The following ENTREP2 variants were observed in gnomAD, a reference collection of about 807,000 sequenced individuals.
ENTREP2 encodes the protein protein ENTREP2.
chr15:29,444,168 G>GAGAA, the ENTREP2 span, among the ~76,000 whole-genome samples: 1 of 62,470 alleles, frequency 1.6e-5, no homozygotes, highest in East Asian at 4.2e-4. Flanking sequence ...AAGAAAGACA[G>GAGAA]ACAAAGAAAG....
At chr15:29,405,877 G>A in the ENTREP2 span, among the ~76,000 whole-genome samples, 1 of 152,256 alleles carries the variant, frequency 6.6e-6, no homozygotes, top group Non-Finnish European at 1.5e-5. Flanking sequence ...GCACGGTCCT[G>A]AGGGGCAGTG....
the ENTREP2 span, among the ~76,000 whole-genome samples, chr15:29,421,189 TATTG>T: frequency 6.6e-6 from 1 of 152,236 alleles, no homozygotes; most frequent in Non-Finnish European, 1.5e-5. Context: ...CAAGAGGAGC[TATTG>T]ATTAAGGCGA....
chr15:29,649,102 C>T, the ENTREP2 span, among the ~76,000 whole-genome samples: 1 of 145,730 alleles, frequency 6.9e-6, no homozygotes, highest in African/African-American at 2.6e-5. Context: ...AGCTATTATG[C>T]CTTGGTGTTG....
chr15:29,312,081 A>T, the ENTREP2 span, among the ~76,000 whole-genome samples: 1 of 152,230 alleles, frequency 6.6e-6, no homozygotes, highest in African/African-American at 2.4e-5. Flanking sequence ...TATTTATGCA[A>T]CACATACCTA....
the ENTREP2 span, among the ~76,000 whole-genome samples, chr15:29,140,180 C>G: frequency 2.6e-5 from 4 of 152,344 alleles, no homozygotes; most frequent in Middle Eastern, 3.4e-3. Flanking sequence ...ACCTGCTCCC[C>G]GTAACTGTGT....
At chr15:29,670,057 A>G in the ENTREP2 span, among the ~76,000 whole-genome samples, 1 of 152,342 alleles carries the variant, frequency 6.6e-6, no homozygotes, top group South Asian at 2.1e-4. Context: ...GCTGTCAAGC[A>G]AGTTTATCGC....
At chr15:29,558,122 C>T in the ENTREP2 span, among the ~76,000 whole-genome samples, 1 of 152,292 alleles carries the variant, frequency 6.6e-6, no homozygotes, top group East Asian at 1.9e-4. Context: ...ATACCTGCCC[C>T]TCATAAAATA....
the ENTREP2 span, among the ~76,000 whole-genome samples, chr15:29,653,260 A>G: frequency 1.3e-5 from 2 of 152,216 alleles, no homozygotes. Flanking sequence ...TCCACTCAAG[A>G]TCATCAGAGT....
chr15:29,578,657 C>T, the ENTREP2 span, among the ~76,000 whole-genome samples: 24 of 152,146 alleles, frequency 1.6e-4, no homozygotes, highest in African/African-American at 4.6e-4. Flanking sequence ...TCAAACATTA[C>T]GCACTTTATG....
At chr15:29,304,904 G>T in the ENTREP2 span, among the ~76,000 whole-genome samples, 1 of 152,246 alleles carries the variant, frequency 6.6e-6, no homozygotes, top group East Asian at 1.9e-4. Flanking sequence ...TCCCTCACTT[G>T]GCTCAAGAGT....
the ENTREP2 span, among the ~76,000 whole-genome samples, chr15:29,342,444 T>G: frequency 6.6e-6 from 1 of 152,226 alleles, no homozygotes; most frequent in African/African-American, 2.4e-5. Flanking sequence ...CATGCCATAG[T>G]GCGACGAAGT....
the ENTREP2 span, among the ~76,000 whole-genome samples, chr15:29,618,618 C>T: frequency 3.3e-5 from 5 of 152,134 alleles, no homozygotes; most frequent in Non-Finnish European, 7.3e-5. Flanking sequence ...AAATTACAGA[C>T]ATGTCCTAGG....
At chr15:29,352,704 G>A in the ENTREP2 span, among the ~76,000 whole-genome samples, 8 of 152,236 alleles carry the variant, frequency 5.3e-5, no homozygotes, top group Admixed American at 4.6e-4. Flanking sequence ...ACATACCGCC[G>A]CCTGTCACTG....
chr15:29,344,830 T>G, the ENTREP2 span, among the ~76,000 whole-genome samples: 34 of 151,202 alleles, frequency 2.2e-4, no homozygotes, highest in Non-Finnish European at 1.3e-4. Context: ...TTTATTGAAA[T>G]GAGGAGTGCC....
At chr15:29,445,084 C>A in the ENTREP2 span, among the ~76,000 whole-genome samples, 9 of 152,164 alleles carry the variant, frequency 5.9e-5, no homozygotes, top group Admixed American at 1.3e-4. Flanking sequence ...TGGGTCCCCC[C>A]AAAATTCCTA....
the ENTREP2 span, among the ~76,000 whole-genome samples, chr15:29,179,139 T>C: frequency 0.023 from 3,466 of 152,342 alleles, 122 homozygotes; most frequent in African/African-American, 0.079. Context: ...CCACAAACTT[T>C]GTAATAAATA....
the ENTREP2 span, among the ~76,000 whole-genome samples, chr15:29,566,638 G>A: frequency 6.6e-6 from 1 of 152,116 alleles, no homozygotes; most frequent in Admixed American, 6.5e-5. Context: ...TGTATTTTTA[G>A]TAGAGACAGG....
chr15:29,657,222 T>C, the ENTREP2 span, among the ~76,000 whole-genome samples: 1 of 151,484 alleles, frequency 6.6e-6, no homozygotes, highest in African/African-American at 2.4e-5. Flanking sequence ...CAGCTTTTTT[T>C]TTTTCTTTTT....
chr15:29,627,038 G>T, the ENTREP2 span, among the ~76,000 whole-genome samples: 1 of 151,790 alleles, frequency 6.6e-6, no homozygotes, highest in Non-Finnish European at 1.5e-5. Context: ...GGTTTCCTGG[G>T]GTGGGTGCTT....
Sources: gnomAD v4.1 joint callset for allele counts (sites outside exome capture counted in the v4.1 genomes callset) on GRCh38, gnomAD v4.1.1 for gene constraint, MANE v1.5 for transcripts, NCBI Gene and HGNC (gene_info 2026-07-23, HGNC 2026-07-21) for gene names.